The following CAST variants were observed in gnomAD, a reference collection of about 807,000 sequenced individuals.
CAST encodes the protein calpastatin.
In CAST, 76 loss-of-function variants were observed where a neutral mutation model predicts 119.6. The observed-to-expected ratio is 0.64, with a 90% CI of 0.53 to 0.77. CAST has a LOEUF of 0.77. CAST is among the 30% of genes least tolerant of loss of function. The pLI is 0.00. For synonymous variants in CAST, 319 were observed against 331.6 expected, an observed-to-expected ratio of 0.96 and a Z score of 0.41; for missense variants, 953 against 946.5, an observed-to-expected ratio of 1.01 and a Z score of -0.09.
the CAST span, among the ~76,000 whole-genome samples, chr5:96,450,293 A>G: frequency 6.6e-6 from 1 of 152,248 alleles, no homozygotes; most frequent in Non-Finnish European, 1.5e-5. Flanking sequence ...CTTTTGCAGC[A>G]ACATGGATAG....
intron 25 of CAST, 48 bp downstream of exon 25, chr5:96,762,420 AAC>A: frequency 7.3e-7 from 1 of 1,363,736 alleles, no homozygotes; most frequent in Non-Finnish European, 1.0e-6. Context: ...GCGCAGCCAC[AAC>A]TAGAAAGAAA....
the CAST span, among the ~76,000 whole-genome samples, chr5:96,516,610 A>G: frequency 2.7e-4 from 41 of 152,194 alleles, no homozygotes; most frequent in East Asian, 1.9e-4. Context: ...AAGAAATGCA[A>G]TTAATTCACT....
chr5:96,333,278 A>G, the CAST span, among the ~76,000 whole-genome samples: 2 of 152,048 alleles, frequency 1.3e-5, no homozygotes, highest in East Asian at 1.9e-4. Flanking sequence ...GGACTTTAAT[A>G]CAGGGAGGCT....
intron 1 of CAST, among the ~76,000 whole-genome samples, chr5:96,570,807 A>G (rs1746554729): frequency 6.6e-6 from 1 of 152,196 alleles, no homozygotes; most frequent in African/African-American, 2.4e-5. Context: ...AGTCACCTTC[A>G]ACTCAAACCC....
chr5:96,157,502 C>A, the CAST span, among the ~76,000 whole-genome samples: 1 of 152,318 alleles, frequency 6.6e-6, no homozygotes, highest in East Asian at 1.9e-4. Context: ...GGTGTGGTGT[C>A]CTTACTATCT....
chr5:96,393,722 T>C, the CAST span, among the ~76,000 whole-genome samples: 1 of 152,208 alleles, frequency 6.6e-6, no homozygotes, highest in African/African-American at 2.4e-5. Context: ...ATGGAATCCA[T>C]TTTGGGAAGC....
intron 1 of CAST, among the ~76,000 whole-genome samples, chr5:96,582,207 G>T (rs1245543512): frequency 6.6e-6 from 1 of 152,130 alleles, no homozygotes; most frequent in African/African-American, 2.4e-5. Context: ...AGAAAGAGAG[G>T]CAAATTTTTC....
the CAST span, among the ~76,000 whole-genome samples, chr5:96,184,375 C>T: frequency 6.6e-6 from 1 of 152,108 alleles, no homozygotes; most frequent in Non-Finnish European, 1.5e-5. Context: ...ATTTTAAGTT[C>T]AAGGGTACAT....
At chr5:96,014,402 A>G in the CAST span, among the ~76,000 whole-genome samples, 1 of 152,100 alleles carries the variant, frequency 6.6e-6, no homozygotes, top group African/African-American at 2.4e-5. Context: ...GTAGGAGTAC[A>G]CTCTAAAATA....
In CAST at chr5:96,773,130, T is replaced by A. The variant is rs888233686; in HGVS notation, c.*514T>A. The A allele has an allele frequency of 1.3e-5, 2 of 153,900 alleles. No homozygotes were observed. Among genetic ancestry groups the A allele is most frequent in the African/African-American group, 4.8e-5 (2 of 41,456 alleles). 9.5% of individuals were successfully genotyped at this position (153,900 alleles called of 1,614,324 possible). A position where few individuals can be genotyped will look rare whatever the true frequency, so the allele number is the denominator to read the frequency against. ...TGTATTTGATGTTGCTTTGGGATAATGTTTATAAGTCAAACATAAGATATT... is the reference window on the plus strand; with the variant it reads ...TGTATTTGATGTTGCTTTGGGATAAAGTTTATAAGTCAAACATAAGATATT... On this transcript the variant is annotated 3_prime_UTR_variant, in exon 32 of 32. Coordinates refer to ENST00000675179, the MANE Select transcript of CAST (RefSeq NM_001750.7).
chr5:96,616,558 T>C (rs1747458196), intron 1 of CAST, among the ~76,000 whole-genome samples: 1 of 152,112 alleles, frequency 6.6e-6, no homozygotes, highest in Non-Finnish European at 1.5e-5. Context: ...ACCAAGATTC[T>C]CTGAGGTAGG....
chr5:96,697,110 G>A (rs1024797733), intron 3 of CAST, among the ~76,000 whole-genome samples: 1 of 151,910 alleles, frequency 6.6e-6, no homozygotes, highest in Non-Finnish European at 1.5e-5. Flanking sequence ...ACAGGTTGCA[G>A]TGAGCCGAGA....
At chr5:96,416,019 A>G in the CAST span, 2 of 1,537,118 alleles carry the variant, frequency 1.3e-6, no homozygotes, top group Non-Finnish European at 1.8e-6. Flanking sequence ...TATAGGGACA[A>G]TCCTCTGTTT....
chr5:96,575,201 T>C (rs1003275342), intron 1 of CAST, among the ~76,000 whole-genome samples: 1 of 152,118 alleles, frequency 6.6e-6, no homozygotes, highest in Non-Finnish European at 1.5e-5. Context: ...TTCATTTCAG[T>C]TTCACATGTT....
intron 1 of CAST, among the ~76,000 whole-genome samples, chr5:96,665,984 T>C (rs966971287): frequency 2.6e-5 from 4 of 152,154 alleles, no homozygotes; most frequent in Non-Finnish European, 4.4e-5. Flanking sequence ...AACACAGATA[T>C]CGGTATATAC....
chr5:96,087,563 G>C, the CAST span, among the ~76,000 whole-genome samples: 15 of 152,122 alleles, frequency 9.9e-5, no homozygotes, highest in Non-Finnish European at 1.8e-4. Flanking sequence ...ATGACCCCTG[G>C]AATACAATAT....
At chr5:96,664,026 A>T (rs1290952770) in intron 1 of CAST, among the ~76,000 whole-genome samples, 1 of 151,940 alleles carries the variant, frequency 6.6e-6, no homozygotes, top group East Asian at 1.9e-4. Context: ...GGTGAGAATT[A>T]AAAAATTAGG....
chr5:95,995,216 A>G, the CAST span, among the ~76,000 whole-genome samples: 1 of 149,622 alleles, frequency 6.7e-6, no homozygotes, highest in Non-Finnish European at 1.5e-5. Context: ...CATTTTTATA[A>G]GAGTCAAACT....
the CAST span, among the ~76,000 whole-genome samples, chr5:95,963,997 G>A: frequency 1.3e-5 from 2 of 152,106 alleles, no homozygotes; most frequent in African/African-American, 4.8e-5. Context: ...CTTCTTACTA[G>A]TAATTGACTT....
Sources: gnomAD v4.1 joint callset for allele counts (sites outside exome capture counted in the v4.1 genomes callset) on GRCh38, gnomAD v4.1.1 for gene constraint, MANE v1.5 for transcripts, NCBI Gene and HGNC (gene_info 2026-07-23, HGNC 2026-07-21) for gene names.